The following ZFAND4 variants were observed in gnomAD, a reference collection of about 807,000 sequenced individuals.
ZFAND4 encodes the protein zinc finger AN1-type containing 4.
In ZFAND4, 43 loss-of-function variants were observed where a neutral mutation model predicts 64.4. That is an observed-to-expected ratio of 0.67 (90% CI 0.52 to 0.86). The LOEUF is 0.86. Among genes scored for constraint, ZFAND4 ranks in the 40% least tolerant of loss-of-function variants. The pLI is 0.00. For synonymous variants in ZFAND4, 296 were observed against 305.7 expected (o/e 0.97, Z 0.33); for missense variants, 929 against 859.8 (o/e 1.08, Z -1.01).
At chr10:45,625,883 C>A in intron 7 of ZFAND4, 68 bp downstream of exon 7, 1 of 1,439,640 alleles carries the variant, frequency 6.9e-7, no homozygotes, top group African/African-American at 1.4e-5. Context: ...TAAACAAAAA[C>A]CAAACTTTAA....
intron 9 of ZFAND4, 84 bp downstream of exon 9, chr10:45,618,056 C>G: frequency 7.1e-7 from 1 of 1,399,134 alleles, no homozygotes; most frequent in Non-Finnish European, 9.7e-7. Flanking sequence ...TATAAACAGG[C>G]AATTTAAATA....
chr10:45,626,786 A>G lies in ZFAND4; in HGVS notation c.1037T>C (p.Leu346Ser), dbSNP rs2045863016. The G allele has an allele frequency of 6.2e-7, 1 of 1,614,248 alleles. No individual in the cohort carries two copies. The highest frequency in any genetic ancestry group is 8.5e-7 in the Non-Finnish European group (1 of 1,180,042). The change falls in exon 7 of 10, where the codon TTG becomes TCG. Residue 346 changes from leucine to serine, a missense_variant. Coordinates refer to ENST00000344646, the MANE Select transcript of ZFAND4 (RefSeq NM_174890.4). ...GTCAGCAAGCTCCTGGTCATTTCCC[A>G]ACTCCAAATGGGGTATCTGAGGAGG... ...KLPPQIPHLELGNDQELADSV... is the reference protein window; with the variant it reads ...KLPPQIPHLESGNDQELADSV...
At chr10:45,647,579 A>G (rs2047474471) in intron 5 of ZFAND4, among the ~76,000 whole-genome samples, 1 of 152,022 alleles carries the variant, frequency 6.6e-6, no homozygotes, top group Admixed American at 6.6e-5. Context: ...TTTCATGCAT[A>G]ATAAAGGCCC....
chr10:45,646,386 T>C (rs1481295557), intron 5 of ZFAND4, among the ~76,000 whole-genome samples: 3 of 152,206 alleles, frequency 2.0e-5, no homozygotes, highest in African/African-American at 7.2e-5. Flanking sequence ...GAAATATAAA[T>C]GTTCTTCATG....
intron 6 of ZFAND4, among the ~76,000 whole-genome samples, chr10:45,636,746 G>C (rs1330785045): frequency 6.6e-6 from 1 of 152,110 alleles, no homozygotes; most frequent in African/African-American, 2.4e-5. Flanking sequence ...GTTTTGGGTA[G>C]AGCATACTGT....
At chr10:45,653,202 T>C (rs1564617380) in intron 2 of ZFAND4, 143 bp from the exon 3 acceptor site, 1 of 607,426 alleles carries the variant, frequency 1.6e-6, no homozygotes, top group East Asian at 2.9e-5. Flanking sequence ...TGCTAAAATT[T>C]ACAGAATCAT....
chr10:45,635,214 C>CAAAAA (rs76130878), intron 6 of ZFAND4, among the ~76,000 whole-genome samples: 4 of 68,258 alleles, frequency 5.9e-5, no homozygotes, highest in Admixed American at 1.6e-4. Flanking sequence ...AAAAAAAAAA[C>CAAAAA]AAAAAAAAAA....
rs2049283662 is a variant in ZFAND4 at position 45,672,648 on chromosome 10, C to A, written c.-516G>T. ...CAGCGGCTCGCAGCCCGGGCGCCCCCCCTGCCGGCCGCTCGCTAGCTCAGC... is the reference window on the plus strand; with the variant it reads ...CAGCGGCTCGCAGCCCGGGCGCCCCACCTGCCGGCCGCTCGCTAGCTCAGC... On this transcript the variant is annotated 5_prime_UTR_variant, in exon 1 of 10. Coordinates refer to ENST00000344646, the MANE Select transcript of ZFAND4 (RefSeq NM_174890.4). 2 of 152,080 alleles carry A rather than the reference C, an allele frequency of 1.3e-5. No individual in the cohort carries two copies. Among genetic ancestry groups the A allele is most frequent in the South Asian group, 2.1e-4 (1 of 4,834 alleles). The allele number at this position is 152,080 out of a possible 1,614,324, so 9.4% of individuals were successfully genotyped here.
At position 45,663,547 on chromosome 10, in the gene ZFAND4, A is replaced by C; in HGVS notation, c.179T>G (p.Leu60Trp). ...VISVKAKIRR[L>W]EGIPICRQHL... ...AAACAAAGAAAGATGAGTACCTTCC[A>C]ATCTTCGAATTTTTGCTTTCACAGA... Residue 60 changes from leucine (L) to tryptophan (W), a missense_variant, in exon 2 of 10, where the codon TTG (leucine) becomes TGG (tryptophan). Transcript: ENST00000344646. 1 of 1,590,922 alleles carries C rather than the reference A, an allele frequency of 6.3e-7. No homozygotes were observed. The highest frequency in any genetic ancestry group is 8.5e-7 in the Non-Finnish European group (1 of 1,173,378).
At chr10:45,657,703 G>C (rs1294178552) in intron 2 of ZFAND4, among the ~76,000 whole-genome samples, 1 of 152,062 alleles carries the variant, frequency 6.6e-6, no homozygotes, top group Non-Finnish European at 1.5e-5. Flanking sequence ...CCCTCAACTT[G>C]GGAATGAGTA....
At chr10:45,655,512 A>C (rs1386572305) in intron 2 of ZFAND4, among the ~76,000 whole-genome samples, 1 of 152,234 alleles carries the variant, frequency 6.6e-6, no homozygotes, top group Non-Finnish European at 1.5e-5. Context: ...GAAATAACAA[A>C]GATCAGAGCA....
chr10:45,621,833 T>G (rs918079513), intron 8 of ZFAND4, among the ~76,000 whole-genome samples: 1 of 152,096 alleles, frequency 6.6e-6, no homozygotes, highest in East Asian at 1.9e-4. Flanking sequence ...AGCCTAGAAT[T>G]TTTTTTAAAA....
intron 2 of ZFAND4, among the ~76,000 whole-genome samples, chr10:45,654,228 G>A (rs1013090671): frequency 6.6e-6 from 1 of 152,110 alleles, no homozygotes; most frequent in Admixed American, 6.5e-5. Context: ...CACATCCTGG[G>A]TGACAGGATA....
intron 5 of ZFAND4, chr10:45,640,233 A>C (rs1463388800): frequency 8.2e-7 from 1 of 1,220,434 alleles, no homozygotes; most frequent in Non-Finnish European, 1.0e-6. Flanking sequence ...AGATGTTTTG[A>C]CACCTGCCAT....
chr10:45,672,291 C>T lies in ZFAND4; in HGVS notation c.-159G>A, dbSNP rs2049251694. 1 of 152,336 alleles carries T rather than the reference C, an allele frequency of 6.6e-6. No individual in the cohort carries two copies. The highest frequency in any genetic ancestry group is 1.9e-4 in the East Asian group (1 of 5,208). The allele number at this position is 152,336 out of a possible 1,614,324, so 9.4% of individuals were successfully genotyped here. ...AGTCACCTGCGCAGCCGTTGCTCCTCCAAGACCAATCCGGGCTCCCCAGAC... is the reference window on the plus strand; with the variant it reads ...AGTCACCTGCGCAGCCGTTGCTCCTTCAAGACCAATCCGGGCTCCCCAGAC... On this transcript the variant is annotated 5_prime_UTR_variant, in exon 1 of 10. Transcript: ENST00000344646.
chr10:45,616,545 T>C lies in ZFAND4; in HGVS notation c.2075A>G (p.His692Arg), dbSNP rs781167776. The change falls in exon 10 of 10, where the codon CAT becomes CGT. Residue 692 changes from histidine to arginine, a missense_variant. Physicochemically the swap from His to Arg is conservative, Grantham distance 29. Coordinates refer to ENST00000344646, the MANE Select transcript of ZFAND4 (RefSeq NM_174890.4). ...CRCGNNFCASHRYAETHGCTY... is the reference protein window; with the variant it reads ...CRCGNNFCASRRYAETHGCTY... ...ACAGCCATGAGTTTCTGCATAACGA[T>C]GAGATGCACAGAAGTTGTTTCCACA... is the stretch of plus-strand genomic sequence containing the variant. The C allele has an allele frequency of 8.7e-6, 14 of 1,612,684 alleles. No homozygotes were observed. Among genetic ancestry groups the C allele is most frequent in the Non-Finnish European group, 1.2e-5 (14 of 1,178,776 alleles).
chr10:45,672,096 C>T (rs745666434), intron 1 of ZFAND4, among the ~76,000 whole-genome samples, 154 bp downstream of exon 1: 1 of 152,360 alleles, frequency 6.6e-6, no homozygotes, highest in African/African-American at 2.4e-5. Flanking sequence ...TTTACTGATA[C>T]ATCAAAACAT....
At chr10:45,644,593 G>A (rs1464117419) in intron 5 of ZFAND4, among the ~76,000 whole-genome samples, 5 of 152,194 alleles carry the variant, frequency 3.3e-5, no homozygotes, top group Non-Finnish European at 7.3e-5. Flanking sequence ...CACAGCAGTT[G>A]AGGAAGTATG....
intron 8 of ZFAND4, among the ~76,000 whole-genome samples, chr10:45,623,471 A>G (rs1481721741): frequency 6.6e-6 from 1 of 152,210 alleles, no homozygotes; most frequent in East Asian, 1.9e-4. Context: ...ATCAGCCCCA[A>G]AAAGAAAATA....
Sources: allele counts gnomAD v4.1 joint callset (sites outside exome capture counted in the v4.1 genomes callset), GRCh38; gene constraint gnomAD v4.1.1; transcripts MANE v1.5; gene names NCBI Gene and HGNC (gene_info 2026-07-23, HGNC 2026-07-21).